Variants in LGR4 observed in about 807,000 individuals in gnomAD.
LGR4 encodes the protein leucine-rich repeat-containing G protein-coupled receptor 4.
In LGR4, 44 loss-of-function variants were observed where a neutral mutation model predicts 84.8. The observed-to-expected ratio is 0.52, with a 90% CI of 0.41 to 0.67. The LOEUF (loss-of-function observed/expected upper bound fraction) is 0.67, where lower values mean the gene tolerates loss of function less well. Among genes scored for constraint, LGR4 ranks in the 30% least tolerant of loss-of-function variants. The pLI is 0.00. For synonymous variants in LGR4, 429 were observed against 434.3 expected, an observed-to-expected ratio of 0.99 and a Z score of 0.15; for missense variants, 1,032 against 1,131.4, an observed-to-expected ratio of 0.91 and a Z score of 1.26.
chr11:27,413,372 A>G (rs1267840436), intron 1 of LGR4, among the ~76,000 whole-genome samples: 2 of 152,148 alleles, frequency 1.3e-5, no homozygotes, highest in Admixed American at 1.3e-4. Context: ...TCCGCCTATG[A>G]ACAGATGCAG....
intron 12 of LGR4, 60 bp from the exon 13 acceptor site, chr11:27,376,430 A>T: frequency 1.2e-6 from 1 of 849,918 alleles, no homozygotes; most frequent in Non-Finnish European, 1.9e-6. Flanking sequence ...GAACAGGAGG[A>T]GGAGGAAAGA....
Position 27,444,120 on chromosome 11 carries a change from G to GA in LGR4, c.185+27997dup, listed in dbSNP as rs1864348785. ...AAAAAAAAAATAGCAGGGATTTTCTGAAACACATTAAACAGAATACACAAT... is the reference window on the plus strand; with the variant it reads ...AAAAAAAAAATAGCAGGGATTTTCTGAAAACACATTAAACAGAATACACAAT... On this transcript the variant is annotated intron_variant, in intron 1 of 17. Transcript: ENST00000379214. 2.6e-5 allele frequency among the ~76,000 whole-genome samples: 4 copies of GA among 151,736 alleles called. No individual in the cohort carries two copies. In the South Asian group the frequency reaches 8.3e-4, roughly 32 times the overall value.
chr11:27,452,502 C>A (rs549549547), intron 1 of LGR4, among the ~76,000 whole-genome samples: 6 of 152,054 alleles, frequency 3.9e-5, no homozygotes, highest in Non-Finnish European at 1.5e-5. Context: ...TGCCCTCCTG[C>A]GACACTTTTC....
rs1246635787 is a variant in LGR4 at position 27,403,198 on chromosome 11, C to T, written c.257+9591G>A. Among the ~76,000 whole-genome samples, 10 of 152,166 alleles carry T rather than the reference C, an allele frequency of 6.6e-5. No homozygotes were observed. In the East Asian group the frequency reaches 1.3e-3, roughly 20 times the overall value. ...GATAAGAATGTTCCACAGCTGGGTG[C>T]GATGGCTCATGCCTGTAGTCCCAAT... On this transcript the variant is annotated intron_variant, in intron 2 of 17. Transcript: ENST00000379214.
chr11:27,436,568 TAAC>T (rs974495408), intron 1 of LGR4, among the ~76,000 whole-genome samples: 10 of 152,324 alleles, frequency 6.6e-5, no homozygotes, highest in African/African-American at 2.4e-4. Flanking sequence ...CTTATATAAC[TAAC>T]AATATATATG....
Position 27,369,556 on chromosome 11 carries a change from T to C in LGR4, c.1580-413A>G, listed in dbSNP as rs186607095. 8.5e-5 allele frequency among the ~76,000 whole-genome samples: 13 copies of C among 152,282 alleles called. No individual in the cohort carries two copies. In the East Asian group the frequency reaches 2.1e-3, roughly 25 times the overall value. ...ACCTTAAGAAAGCAACTTAAAATTG[T>C]ATAAATTTTAACCTGTATTCATTTT... On this transcript the variant is annotated intron_variant, in intron 17 of 17. Transcript: ENST00000379214.
intron 2 of LGR4, among the ~76,000 whole-genome samples, chr11:27,392,993 G>A (rs1449413965): frequency 6.6e-6 from 1 of 152,188 alleles, no homozygotes; most frequent in African/African-American, 2.4e-5. Flanking sequence ...GTGCAAAAGA[G>A]AGGCAAAAAG....
At chr11:27,416,582 C>T (rs931773253) in intron 1 of LGR4, among the ~76,000 whole-genome samples, 4 of 152,142 alleles carry the variant, frequency 2.6e-5, no homozygotes, top group African/African-American at 9.7e-5. Flanking sequence ...TTACAGAAGA[C>T]ACTAAATGTT....
chr11:27,432,917 G>C (rs1864138413), intron 1 of LGR4, among the ~76,000 whole-genome samples: 1 of 151,998 alleles, frequency 6.6e-6, no homozygotes, highest in Admixed American at 6.6e-5. Context: ...CTCAAAACCT[G>C]AGTAGTCTGT....
rs1338216839 is a variant in LGR4, at chr11:27,366,930, CCA to C, written c.*935_*936del. On this transcript the variant is annotated 3_prime_UTR_variant, in exon 18 of 18. Coordinates refer to ENST00000379214, the MANE Select transcript of LGR4 (RefSeq NM_018490.5). ...TCGTCTAATTAAATGCAAGTATTGA[CCA>C]CAGTTTACTTTCTATATAATCCAAG... is the stretch of plus-strand genomic sequence containing the variant. 2 of 152,228 alleles carry C rather than the reference CCA, an allele frequency of 1.3e-5. No individual in the cohort carries two copies. The highest frequency in any genetic ancestry group is 2.4e-5 in the African/African-American group (1 of 41,544). The allele number at this position is 152,228 out of a possible 1,614,324, so 9.4% of individuals were successfully genotyped here.
intron 1 of LGR4, among the ~76,000 whole-genome samples, chr11:27,416,533 C>T (rs1330774906): frequency 6.6e-6 from 1 of 152,098 alleles, no homozygotes; most frequent in Non-Finnish European, 1.5e-5. Context: ...AAGGAGACAC[C>T]ACACTGCCTT....
chr11:27,381,008 C>T (rs764135067), intron 7 of LGR4, 42 bp from the exon 8 acceptor site: 14 of 1,112,046 alleles, frequency 1.3e-5, no homozygotes, highest in South Asian at 5.2e-5. Flanking sequence ...GCATTATCCT[C>T]TTGCGAAATA....
chr11:27,398,805 G>A (rs1404849278), intron 2 of LGR4, among the ~76,000 whole-genome samples: 2 of 152,106 alleles, frequency 1.3e-5, no homozygotes, highest in African/African-American at 2.4e-5. Flanking sequence ...TTGGGCTCCC[G>A]TCAAGTCCTG....
intron 10 of LGR4, among the ~76,000 whole-genome samples, chr11:27,379,804 C>T (rs546249912): frequency 5.4e-4 from 83 of 152,316 alleles, no homozygotes; most frequent in Non-Finnish European, 1.0e-3. Flanking sequence ...CCATACCATC[C>T]CCATTCTATT....
chr11:27,393,256 G>A (rs562265804), intron 2 of LGR4, among the ~76,000 whole-genome samples: 1 of 152,146 alleles, frequency 6.6e-6, no homozygotes, highest in East Asian at 1.9e-4. Flanking sequence ...ATATTAGGGA[G>A]AAGAATCAGG....
intron 1 of LGR4, among the ~76,000 whole-genome samples, chr11:27,453,108 G>A (rs922319366): frequency 6.6e-5 from 10 of 151,498 alleles, no homozygotes; most frequent in South Asian, 2.1e-4. Flanking sequence ...TAGCTCTGTC[G>A]CCCAGGCTGG....
intron 1 of LGR4, among the ~76,000 whole-genome samples, chr11:27,467,128 G>A (rs990023039): frequency 1.3e-5 from 2 of 152,010 alleles, no homozygotes; most frequent in African/African-American, 4.8e-5. Flanking sequence ...GTACACTTTT[G>A]CCTGTGAGGC....
intron 1 of LGR4, among the ~76,000 whole-genome samples, chr11:27,470,190 T>C (rs962269519): frequency 6.6e-6 from 1 of 152,190 alleles, no homozygotes; most frequent in Admixed American, 6.5e-5. Flanking sequence ...CTGGTACCAA[T>C]TATTTTTCTG....
At chr11:27,385,165 G>A in intron 5 of LGR4, 88 bp downstream of exon 5, 1 of 928,602 alleles carries the variant, frequency 1.1e-6, no homozygotes, top group Non-Finnish European at 1.6e-6. Context: ...TATTCAGCGA[G>A]ATGCCTTGAT....
Sources: gnomAD v4.1 joint callset for allele counts (sites outside exome capture counted in the v4.1 genomes callset) on GRCh38, gnomAD v4.1.1 for gene constraint, MANE v1.5 for transcripts, NCBI Gene and HGNC (gene_info 2026-07-23, HGNC 2026-07-21) for gene names.